Variants in SOST observed in about 807,000 individuals in gnomAD.
SOST encodes sclerosteosis.
Under a neutral mutation model 16.7 loss-of-function variants are expected in SOST, and 14 were observed. The observed-to-expected ratio is 0.84, with a 90% CI of 0.55 to 1.31. SOST has a LOEUF of 1.31. SOST is among the 50% of genes most tolerant of loss of function. SOST has a pLI of 0.00. For missense variants in SOST, 291 were observed against 310.7 expected, an observed-to-expected ratio of 0.94 and a Z score of 0.48; for synonymous variants, 150 against 140.9, an observed-to-expected ratio of 1.06 and a Z score of -0.46.
chr17:43,756,036 C>T (rs930361956), intron 1 of SOST, among the ~76,000 whole-genome samples: 1 of 152,238 alleles, frequency 6.6e-6, no homozygotes, highest in African/African-American at 2.4e-5. Flanking sequence ...GTTCCTTAAC[C>T]TCTCTCTTCT....
At position 43,754,245 on chromosome 17, in the gene SOST, T is replaced by C. The variant is rs1974102260; in HGVS notation, c.*1097A>G. 2.6e-5 allele frequency: 4 copies of C among 152,354 alleles called. No homozygotes were observed. The South Asian group carries it at 8.3e-4, about 32-fold the overall frequency. The allele number at this position is 152,354 out of a possible 1,614,324, so 9.4% of individuals were successfully genotyped here. A position where few individuals can be genotyped will look rare whatever the true frequency, so the allele number is the denominator to read the frequency against. On this transcript the variant is annotated 3_prime_UTR_variant, in exon 2 of 2. Coordinates refer to ENST00000301691, the MANE Select transcript of SOST (RefSeq NM_025237.3). ...AGAAGGCGGTGTCTCAAAAGGGATG[T>C]GCTGGTCTGTGAGTTTGTGATGGCT...
chr17:43,758,414 G>T, intron 1 of SOST, 108 bp downstream of exon 1: 2 of 883,668 alleles, frequency 2.3e-6, no homozygotes, highest in Non-Finnish European at 3.6e-6. Context: ...TGCTGGCAGA[G>T]GCCAGCAATC....
chr17:43,755,839 C>T lies in SOST; in HGVS notation c.221-76G>A. 2 of 1,487,122 alleles carry T rather than the reference C, an allele frequency of 1.3e-6. No homozygotes were observed. The highest frequency in any genetic ancestry group is 1.8e-6 in the Non-Finnish European group (2 of 1,113,052). 92.1% of individuals were successfully genotyped at this position (1,487,122 alleles called of 1,614,324 possible). On this transcript the variant is annotated intron_variant, in intron 1 of 1. Coordinates refer to ENST00000301691, the MANE Select transcript of SOST (RefSeq NM_025237.3). This position sits in a 1 kb window ranked among gnomAD's most constrained non-coding sequence, Gnocchi z 4.3. ...CCTGGACCGGCCCGTCTCTCTCCAC[C>T]CCAGCCCTGCTTTTGCCAAGCCTGT... is the stretch of plus-strand genomic sequence containing the variant.
rs1447685655 is a variant in SOST at position 43,754,237 on chromosome 17, A to C, written c.*1105T>G. The C allele has an allele frequency of 1.3e-5, 2 of 151,046 alleles. No individual in the cohort carries two copies. The highest frequency in any genetic ancestry group is 4.9e-5 in the African/African-American group (2 of 41,134). 9.4% of individuals were successfully genotyped at this position (151,046 alleles called of 1,614,324 possible). The stretch of plus-strand genomic sequence containing the variant: ...TGGTGGGCAGAAGGCGGTGTCTCAA[A>C]AGGGATGTGCTGGTCTGTGAGTTTG... On this transcript the variant is annotated 3_prime_UTR_variant, in exon 2 of 2. Transcript: ENST00000301691.
At position 43,754,994 on chromosome 17, in the gene SOST, C is replaced by G. The variant is rs982811653; in HGVS notation, c.*348G>C. The G allele has an allele frequency of 1.4e-5, 4 of 280,042 alleles. No individual in the cohort carries two copies. The highest frequency in any genetic ancestry group is 2.6e-5 in the Non-Finnish European group (4 of 151,844). The allele number at this position is 280,042 out of a possible 1,614,324, so 17.3% of individuals were successfully genotyped here. Reference sequence around the variant, plus strand: ...CTTAACCAGTCCCTGGACTTTCCCACTCCCACACCGCTCCCTTAAAACCCC... The same window carrying G: ...CTTAACCAGTCCCTGGACTTTCCCAGTCCCACACCGCTCCCTTAAAACCCC... On this transcript the variant is annotated 3_prime_UTR_variant, in exon 2 of 2. Transcript: ENST00000301691.
At position 43,755,505 on chromosome 17, in the gene SOST, C is replaced by T. The variant is rs199579218; in HGVS notation, c.479G>A (p.Arg160His). Residue 160 changes from arginine to histidine, a missense_variant, in exon 2 of 2, where the codon CGC becomes CAC. Transcript: ENST00000301691. The surrounding 1 kb of genome is among the most constrained non-coding windows in gnomAD (Gnocchi z 4.3). Reference protein sequence around the residue: ...GGEAPRARKVRLVASCKCKRL... With the variant: ...GGEAPRARKVHLVASCKCKRL... ...CTTGCACTTGCACGAGGCCACCAGGCGCACCTTGCGCGCGCGCGGCGCCTC... is the reference window on the plus strand; with the variant it reads ...CTTGCACTTGCACGAGGCCACCAGGTGCACCTTGCGCGCGCGCGGCGCCTC... 2 of 1,596,492 alleles carry T rather than the reference C, an allele frequency of 1.3e-6. No individual in the cohort carries two copies. The highest frequency in any genetic ancestry group is 1.7e-5 in the Admixed American group (1 of 59,766).
chr17:43,755,334 G>T lies in SOST; in HGVS notation c.*8C>A. On this transcript the variant is annotated 3_prime_UTR_variant, in exon 2 of 2. Coordinates refer to ENST00000301691, the MANE Select transcript of SOST (RefSeq NM_025237.3). This position sits in a 1 kb window ranked among gnomAD's most constrained non-coding sequence, Gnocchi z 4.3. ...GCGCCCGCCGGTGGGGAGGGGCGCG[G>T]GCGGGCTCTAGTAGGCGTTCTCCAG... The T allele has an allele frequency of 6.4e-7, 1 of 1,557,322 alleles. No individual in the cohort carries two copies. Among genetic ancestry groups the T allele is most frequent in the Non-Finnish European group, 8.6e-7 (1 of 1,163,820 alleles).
rs751451296 is a variant in SOST at position 43,755,652 on chromosome 17, G to T, written c.332C>A (p.Pro111Gln). 4.5e-6 allele frequency: 7 copies of T among 1,568,130 alleles called. No individual in the cohort carries two copies. In the Admixed American group the frequency reaches 1.3e-4, roughly 29 times the overall value. The change falls in exon 2 of 2, where the codon CCG (proline) becomes CAG (glutamine). Residue 111 changes from proline (P) to glutamine (Q), a missense_variant. Pro to Gln is a moderately conservative substitution (Grantham distance 76, BLOSUM62 -1). Transcript: ENST00000301691. The surrounding 1 kb of genome is among the most constrained non-coding windows in gnomAD (Gnocchi z 4.3). ...TELVCSGQCG[P>Q]ARLLPNAIGR... is the part of the protein sequence containing the mutation. ...GATGGCGTTGGGCAGCAGGCGCGCC[G>T]GGCCGCACTGGCCGGAGCACACCAG...
chr17:43,754,427 C>T lies in SOST; in HGVS notation c.*915G>A, dbSNP rs1974104157. On this transcript the variant is annotated 3_prime_UTR_variant, in exon 2 of 2. Coordinates refer to ENST00000301691, the MANE Select transcript of SOST (RefSeq NM_025237.3). Reference sequence around the variant, plus strand: ...CCTCCCACCACCCTCGGACCCTCTCCTTTTCTACCCCAATGGATGATGTTA... The same window carrying T: ...CCTCCCACCACCCTCGGACCCTCTCTTTTTCTACCCCAATGGATGATGTTA... 1 of 152,174 alleles carries T rather than the reference C, an allele frequency of 6.6e-6. No homozygotes were observed. The highest frequency in any genetic ancestry group is 2.1e-4 in the South Asian group (1 of 4,826). 9.4% of individuals were successfully genotyped at this position (152,174 alleles called of 1,614,324 possible).
At position 43,758,620 on chromosome 17, in the gene SOST, C is replaced by T; in HGVS notation, c.122G>A (p.Gly41Glu). Residue 41 changes from glycine to glutamate, a missense_variant, in exon 1 of 2, where the codon GGA (glycine) becomes GAA (glutamate). Gly to Glu is a moderately conservative substitution (Grantham distance 98). Coordinates refer to ENST00000301691, the MANE Select transcript of SOST (RefSeq NM_025237.3). ...NDATEIIPEL[G>E]EYPEPPPELE... is the part of the protein sequence containing the mutation. ...CTCCGGTGGAGGCTCGGGGTACTCT[C>T]CGAGCTCGGGGATGATTTCCGTGGC... The T allele has an allele frequency of 6.2e-7, 1 of 1,614,158 alleles. No homozygotes were observed. The highest frequency in any genetic ancestry group is 1.1e-5 in the South Asian group (1 of 91,090).
chr17:43,756,257 C>G (rs905936094), intron 1 of SOST, among the ~76,000 whole-genome samples: 1 of 152,140 alleles, frequency 6.6e-6, no homozygotes, highest in African/African-American at 2.4e-5. Context: ...ACACCTTCTG[C>G]CTGGCTCTGG....
In SOST at chr17:43,758,738, G is replaced by A. The variant is rs769839504; in HGVS notation, c.4C>T (p.Gln2Ter). ...ACGAGACACAGGGCCAGTGGGAGCT[G>A]CATGGTACCAGCCAGAGGAGGGCAC... M[Q>*]LPLALCLVCL... The change falls in exon 1 of 2, where the codon CAG becomes TAG. Residue 2 changes from glutamine to a stop codon, truncating the protein, a stop_gained. Coordinates refer to ENST00000301691, the MANE Select transcript of SOST (RefSeq NM_025237.3). LOFTEE classifies it high-confidence loss of function. 1 of 1,612,520 alleles carries A rather than the reference G, an allele frequency of 6.2e-7. No individual in the cohort carries two copies. The highest frequency in any genetic ancestry group is 1.3e-5 in the African/African-American group (1 of 75,030).
Position 43,755,252 on chromosome 17 carries a change from TA to T in SOST, c.*89del, listed in dbSNP as rs1974113207. The T allele has an allele frequency of 2.4e-6, 3 of 1,251,434 alleles. No individual in the cohort carries two copies. Among genetic ancestry groups the T allele is most frequent in the East Asian group, 2.7e-5 (1 of 36,896 alleles). 77.5% of individuals were successfully genotyped at this position (1,251,434 alleles called of 1,614,324 possible). On this transcript the variant is annotated 3_prime_UTR_variant, in exon 2 of 2. Coordinates refer to ENST00000301691, the MANE Select transcript of SOST (RefSeq NM_025237.3). This position sits in a 1 kb window ranked among gnomAD's most constrained non-coding sequence, Gnocchi z 4.3. ...GGTTGCAGGCATTTACAATGAAATA[TA>T]AACAATCAAACCACGCGCAGAGGAC...
chr17:43,755,503 G>A lies in SOST; in HGVS notation c.481C>T (p.Leu161=). Residue 161 remains leucine, a synonymous_variant, in exon 2 of 2, where the codon CTG becomes TTG. Transcript: ENST00000301691. This position sits in a 1 kb window ranked among gnomAD's most constrained non-coding sequence, Gnocchi z 4.3. The part of the protein sequence containing the change: ...GEAPRARKVR[L]VASCKCKRLT... Reference sequence around the variant, plus strand: ...CGCTTGCACTTGCACGAGGCCACCAGGCGCACCTTGCGCGCGCGCGGCGCC... The same window carrying A: ...CGCTTGCACTTGCACGAGGCCACCAAGCGCACCTTGCGCGCGCGCGGCGCC... The A allele has an allele frequency of 6.3e-7, 1 of 1,596,786 alleles. No individual in the cohort carries two copies. Among genetic ancestry groups the A allele is most frequent in the Non-Finnish European group, 8.5e-7 (1 of 1,178,214 alleles).
At position 43,758,607 on chromosome 17, in the gene SOST, C is replaced by T. The variant is rs370802051; in HGVS notation, c.135G>A (p.Glu45=). The change falls in exon 1 of 2, where the codon GAG becomes GAA. Residue 45 remains glutamate (E), a synonymous_variant. Coordinates refer to ENST00000301691, the MANE Select transcript of SOST (RefSeq NM_025237.3). Reference sequence around the variant, plus strand: ...TGTTGTTCTCCAGCTCCGGTGGAGGCTCGGGGTACTCTCCGAGCTCGGGGA... The same window carrying T: ...TGTTGTTCTCCAGCTCCGGTGGAGGTTCGGGGTACTCTCCGAGCTCGGGGA... ...EIIPELGEYP[E]PPPELENNKT... 1.7e-4 allele frequency: 271 copies of T among 1,614,044 alleles called. No homozygotes were observed. The highest frequency in any genetic ancestry group is 2.2e-4 in the Non-Finnish European group (262 of 1,180,018).
In SOST at chr17:43,758,705, G is replaced by A; in HGVS notation, c.37C>T (p.Leu13=). The change falls in exon 1 of 2, where the codon CTG becomes TTG. Residue 13 remains leucine (L), a synonymous_variant. Coordinates refer to ENST00000301691, the MANE Select transcript of SOST (RefSeq NM_025237.3). ...ACTACACGGAAGGCTGTGTGTACCA[G>A]CAGGCAGACGAGACACAGGGCCAGT... is the stretch of plus-strand genomic sequence containing the variant. ...LPLALCLVCL[L]VHTAFRVVEG... is the part of the protein sequence containing the mutation. 6.2e-7 allele frequency: 1 copy of A among 1,613,902 alleles called. No individual in the cohort carries two copies. The highest frequency in any genetic ancestry group is 8.5e-7 in the Non-Finnish European group (1 of 1,180,032).
rs1250633758 is a variant in SOST at position 43,758,526 on chromosome 17, G to A, written c.216C>T (p.Thr72=). The A allele has an allele frequency of 6.2e-7, 1 of 1,611,682 alleles. No homozygotes were observed. Among genetic ancestry groups the A allele is most frequent in the Admixed American group, 1.7e-5 (1 of 59,986 alleles). The change falls in exon 1 of 2, where the codon ACC becomes ACT. Residue 72 remains threonine, a synonymous_variant. Transcript: ENST00000301691. ...ATTCTCTCCTCCACCCCATACCTTT[G>A]GTCTCAAAGGGGTGGTGGGGAGGCC... is the stretch of plus-strand genomic sequence containing the variant. ...GGRPPHHPFE[T]KDVSEYSCRE...
In SOST at chr17:43,755,168, G is replaced by C. The variant is rs1257712342; in HGVS notation, c.*174C>G. 3 of 598,978 alleles carry C rather than the reference G, an allele frequency of 5.0e-6. No individual in the cohort carries two copies. In the African/African-American group the frequency reaches 5.9e-5, roughly 12 times the overall value. The allele number at this position is 598,978 out of a possible 1,614,324, so 37.1% of individuals were successfully genotyped here. On this transcript the variant is annotated 3_prime_UTR_variant, in exon 2 of 2. Coordinates refer to ENST00000301691, the MANE Select transcript of SOST (RefSeq NM_025237.3). This position sits in a 1 kb window ranked among gnomAD's most constrained non-coding sequence, Gnocchi z 4.3. ...GGACCCCTCAGCTGGCGGGCTGAGG[G>C]GGGCCTTGCCGGCGCCCGGGATTCC...
In SOST at chr17:43,755,108, T is replaced by G; in HGVS notation, c.*234A>C. 4.0e-6 allele frequency: 2 copies of G among 496,732 alleles called. No individual in the cohort carries two copies. Among genetic ancestry groups the G allele is most frequent in the Non-Finnish European group, 7.0e-6 (2 of 287,290 alleles). The allele number at this position is 496,732 out of a possible 1,614,324, so 30.8% of individuals were successfully genotyped here. ...CCAGAGGCGGGGCTGCGTGGCTCAGTGTCTGTGACTCTCAATTCCCTCCCC... is the reference window on the plus strand; with the variant it reads ...CCAGAGGCGGGGCTGCGTGGCTCAGGGTCTGTGACTCTCAATTCCCTCCCC... On this transcript the variant is annotated 3_prime_UTR_variant, in exon 2 of 2. Transcript: ENST00000301691. This position sits in a 1 kb window ranked among gnomAD's most constrained non-coding sequence, Gnocchi z 4.3.
Sources: allele counts gnomAD v4.1 joint callset (sites outside exome capture counted in the v4.1 genomes callset), GRCh38; gene constraint gnomAD v4.1.1; non-coding constraint Gnocchi (gnomAD v3.1); transcripts MANE v1.5; gene names NCBI Gene and HGNC (gene_info 2026-07-23, HGNC 2026-07-21).